The following PCDHA10 variants were observed in gnomAD, a reference collection of about 807,000 sequenced individuals.
PCDHA10 encodes protocadherin alpha 10, also known as protocadherin alpha-10.
In PCDHA10, 45 loss-of-function variants were observed where a neutral mutation model predicts 61.2. The observed-to-expected ratio is 0.74, with a 90% CI of 0.58 to 0.94. The LOEUF is 0.94. Among genes scored for constraint, PCDHA10 ranks in the 40% least tolerant of loss-of-function variants. The pLI, the probability that PCDHA10 is intolerant of heterozygous loss-of-function variation, is 0.00. For synonymous variants in PCDHA10, 602 were observed against 548.8 expected (o/e 1.10, Z -1.35); for missense variants, 1,278 against 1,236.2 (o/e 1.03, Z -0.51).
chr5:140,885,161 T>C (rs1554182019), intron 1 of PCDHA10, among the ~76,000 whole-genome samples: 1 of 151,600 alleles, frequency 6.6e-6, no homozygotes, highest in Non-Finnish European at 1.5e-5. Flanking sequence ...TTGTCTCTAC[T>C]TTTTTGTCCT....
chr5:140,890,635 C>G (rs1015207309), intron 1 of PCDHA10, among the ~76,000 whole-genome samples: 1 of 152,114 alleles, frequency 6.6e-6, no homozygotes, highest in Non-Finnish European at 1.5e-5. Flanking sequence ...AAGCATGTAT[C>G]CTTGATATAT....
Position 140,858,114 on chromosome 5 carries a change from T to C in PCDHA10, c.2066T>C (p.Val689Ala). The stretch of plus-strand genomic sequence containing the variant: ...GCTTCAGTGGGCGTGGCGCCCGAGG[T>C]GGCCCTGGTGGATGTCAACGTGTAC... Reference protein sequence around the residue: ...SRASVGVAPEVALVDVNVYLI... With the variant: ...SRASVGVAPEAALVDVNVYLI... The change falls in exon 1 of 4, where the codon GTG becomes GCG. Residue 689 changes from valine (V) to alanine (A), a missense_variant. Transcript: ENST00000307360. 6.3e-7 allele frequency: 1 copy of C among 1,597,256 alleles called. No individual in the cohort carries two copies. Among genetic ancestry groups the C allele is most frequent in the Non-Finnish European group, 8.6e-7 (1 of 1,167,458 alleles).
chr5:140,969,491 C>T (rs2096337176), intron 1 of PCDHA10: 8 of 1,449,294 alleles, frequency 5.5e-6, no homozygotes, highest in Non-Finnish European at 7.3e-6. Context: ...CTGCTATTTC[C>T]TCTCTAGAAA....
At position 141,012,295 on chromosome 5, in the gene PCDHA10, T is replaced by C. The variant is rs2098423507; in HGVS notation, c.*2358T>C. ...GTCATGTGGATTCATTTTGAATTGG[T>C]GCTATTGGTATTTCCTCTGTTATTG... On this transcript the variant is annotated 3_prime_UTR_variant, in exon 4 of 4. Coordinates refer to ENST00000307360, the MANE Select transcript of PCDHA10 (RefSeq NM_018901.4). 6.5e-6 allele frequency: 1 copy of C among 153,776 alleles called. No homozygotes were observed. The highest frequency in any genetic ancestry group is 2.4e-5 in the African/African-American group (1 of 41,466). 9.5% of individuals were successfully genotyped at this position (153,776 alleles called of 1,614,324 possible).
chr5:140,876,931 A>G lies in PCDHA10; in HGVS notation c.2388+18495A>G, dbSNP rs377563074. The stretch of plus-strand genomic sequence containing the variant: ...GGCATGGGACGCGGACGCGCAGAAG[A>G]ACGCGCTGGTGTCCTACTCGCTGGT... On this transcript the variant is annotated intron_variant, in intron 1 of 3. Coordinates refer to ENST00000307360, the MANE Select transcript of PCDHA10 (RefSeq NM_018901.4). 8 of 1,613,668 alleles carry G rather than the reference A, an allele frequency of 5.0e-6. No individual in the cohort carries two copies. In the African/African-American group the frequency reaches 1.1e-4, roughly 22 times the overall value.
intron 1 of PCDHA10, chr5:140,928,585 G>C: frequency 2.5e-6 from 4 of 1,614,194 alleles, no homozygotes; most frequent in Non-Finnish European, 3.4e-6. Flanking sequence ...AAATGGTTCT[G>C]TCCCAGTGGA....
intron 1 of PCDHA10, among the ~76,000 whole-genome samples, chr5:140,913,086 A>G (rs937964424): frequency 6.6e-6 from 1 of 152,142 alleles, no homozygotes; most frequent in Admixed American, 6.6e-5. Flanking sequence ...TGGTATCAGG[A>G]TAATACTGGC....
At position 140,899,912 on chromosome 5, in the gene PCDHA10, A is replaced by G. The variant is rs574794282; in HGVS notation, c.2388+41476A>G. The stretch of plus-strand genomic sequence containing the variant: ...AGCCTTGACATCCTGGGCTCAAGCA[A>G]TCCTCCTGCCTCAGCCTCCTGAATA... On this transcript the variant is annotated intron_variant, in intron 1 of 3. Transcript: ENST00000307360. Among the ~76,000 whole-genome samples the G allele has an allele frequency of 2.0e-5, 3 of 152,154 alleles. No homozygotes were observed. In the East Asian group the frequency reaches 5.8e-4, roughly 29 times the overall value.
chr5:140,950,809 A>G (rs1554219635), intron 1 of PCDHA10, among the ~76,000 whole-genome samples: 1 of 152,102 alleles, frequency 6.6e-6, no homozygotes, highest in African/African-American at 2.4e-5. Context: ...GTTTTACCAT[A>G]GTAGGGTTAA....
chr5:140,871,695 T>C (rs1250599377), intron 1 of PCDHA10: 7 of 974,792 alleles, frequency 7.2e-6, no homozygotes, highest in Non-Finnish European at 8.8e-6. Flanking sequence ...CTGGCTTCTT[T>C]AACCAATAAA....
Position 140,857,792 on chromosome 5 carries a change from C to A in PCDHA10, c.1744C>A (p.Arg582=), listed in dbSNP as rs368399538. ...CGGTGCAGTCAGTGAGCTGGTGCTG[C>A]GGTCGGTGGTTGCGGGTCACGTGGT... ...AGGAVSELVL[R]SVVAGHVVAK... is the part of the protein sequence containing the mutation. The change falls in exon 1 of 4, where the codon CGG becomes AGG. Residue 582 remains arginine (R), a synonymous_variant. Coordinates refer to ENST00000307360, the MANE Select transcript of PCDHA10 (RefSeq NM_018901.4). 1.9e-6 allele frequency: 3 copies of A among 1,597,430 alleles called. No homozygotes were observed. Among genetic ancestry groups the A allele is most frequent in the Non-Finnish European group, 1.7e-6 (2 of 1,167,518 alleles).
chr5:140,859,016 T>C (rs926930282), intron 1 of PCDHA10: 1 of 151,606 alleles, frequency 6.6e-6, no homozygotes, highest in African/African-American at 2.4e-5. Context: ...TCTTAGCAAT[T>C]AAGTTAAATG....
intron 1 of PCDHA10, among the ~76,000 whole-genome samples, chr5:140,950,271 T>C (rs1202365274): frequency 6.6e-6 from 1 of 152,058 alleles, no homozygotes; most frequent in Non-Finnish European, 1.5e-5. Flanking sequence ...ATCCATAATG[T>C]CTTTTTGCTT....
intron 1 of PCDHA10, chr5:140,876,581 C>G (rs782654448): frequency 1.9e-6 from 3 of 1,614,200 alleles, no homozygotes; most frequent in Non-Finnish European, 2.5e-6. Flanking sequence ...ACCGTCATTG[C>G]CCTGATTAGC....
intron 1 of PCDHA10, among the ~76,000 whole-genome samples, chr5:140,959,620 G>GA (rs1247214459): frequency 4.6e-5 from 7 of 151,966 alleles, no homozygotes; most frequent in African/African-American, 1.4e-4. Context: ...GCTTGTGATA[G>GA]AAAAAAAGAG....
intron 1 of PCDHA10, among the ~76,000 whole-genome samples, chr5:140,912,343 ATTTTT>A (rs35252606): frequency 7.0e-6 from 1 of 143,858 alleles, no homozygotes; most frequent in Non-Finnish European, 1.5e-5. Context: ...TACACTAAGT[ATTTTT>A]TTTTTTTTTT....
At chr5:140,871,530 T>C (rs188075654) in intron 1 of PCDHA10, 2 of 1,514,446 alleles carry the variant, frequency 1.3e-6, no homozygotes, top group Admixed American at 4.8e-5. Flanking sequence ...TCAGGAAGTG[T>C]ATGTGAAATT....
At chr5:140,967,144 C>T (rs1042081336) in intron 1 of PCDHA10, 9 of 1,611,144 alleles carry the variant, frequency 5.6e-6, no homozygotes, top group Non-Finnish European at 7.6e-6. Context: ...TGCTGGCGCA[C>T]AACCCCGTGG....
At chr5:140,884,049 T>C (rs1268930422) in intron 1 of PCDHA10, 2 of 1,613,296 alleles carry the variant, frequency 1.2e-6, no homozygotes, top group African/African-American at 1.3e-5. Flanking sequence ...GTGGCGAAGG[T>C]GCGCGCGGTG....
Sources: allele counts gnomAD v4.1 joint callset (sites outside exome capture counted in the v4.1 genomes callset), GRCh38; gene constraint gnomAD v4.1.1; transcripts MANE v1.5; gene names NCBI Gene and HGNC (gene_info 2026-07-23, HGNC 2026-07-21).